The following PCED1B variants were observed in gnomAD, a reference collection of about 807,000 sequenced individuals.
PCED1B encodes the protein PC-esterase domain containing 1B.
For missense variants in PCED1B, 573 were observed against 573.9 expected (o/e 1.00, Z 0.02); for synonymous variants, 251 against 246.1 (o/e 1.02, Z -0.19).
intron 3 of PCED1B, among the ~76,000 whole-genome samples, chr12:47,220,088 AAAG>A (rs1555155818): frequency 5.3e-5 from 7 of 133,182 alleles, no homozygotes; most frequent in South Asian, 4.8e-4. Context: ...AAAAAAAAAA[AAAG>A]AAGAAGAAGA....
At chr12:47,229,716 A>G (rs543236512) in intron 3 of PCED1B, among the ~76,000 whole-genome samples, 1 of 152,274 alleles carries the variant, frequency 6.6e-6, no homozygotes, top group Non-Finnish European at 1.5e-5. Context: ...GTATGACATC[A>G]CCATCATTTC....
At chr12:47,220,063 T>G (rs1399823176) in intron 3 of PCED1B, among the ~76,000 whole-genome samples, 7 of 88,408 alleles carry the variant, frequency 7.9e-5, no homozygotes, top group Non-Finnish European at 1.4e-4. Context: ...AGGGAGACAC[T>G]GCCTCAAAAA....
intron 2 of PCED1B, among the ~76,000 whole-genome samples, chr12:47,173,762 A>G (rs968939541): frequency 1.3e-5 from 2 of 152,220 alleles, no homozygotes; most frequent in African/African-American, 4.8e-5. Flanking sequence ...TATCTTCATC[A>G]ATTGTTTAAG....
intron 2 of PCED1B, among the ~76,000 whole-genome samples, chr12:47,136,983 A>G (rs1940399777): frequency 6.6e-6 from 1 of 152,200 alleles, no homozygotes. Context: ...CTATAAAATG[A>G]AAATAATAAT....
rs117224606 is a variant in PCED1B at position 47,171,991 on chromosome 12, A to G, written c.-525-44231A>G. The stretch of plus-strand genomic sequence containing the variant: ...AGTTGATCTTTCTGTCTCTGTATTT[A>G]TAAGATTTGTCTTAATCCTTGGAGT... On this transcript the variant is annotated intron_variant, in intron 2 of 3. Coordinates refer to ENST00000546455, the MANE Select transcript of PCED1B (RefSeq NM_138371.3). 1.1e-3 allele frequency among the ~76,000 whole-genome samples: 172 copies of G among 151,682 alleles called. 1 individual carries two copies. The East Asian group carries it at 0.031, about 27-fold the overall frequency.
chr12:47,163,746 T>C lies in PCED1B; in HGVS notation c.-525-52476T>C, dbSNP rs59527158. On this transcript the variant is annotated intron_variant, in intron 2 of 3. Coordinates refer to ENST00000546455, the MANE Select transcript of PCED1B (RefSeq NM_138371.3). Reference sequence around the variant, plus strand: ...AGAATACCTATGGCTGGATAGTTTATAAAGAAAAGAGATTTATTTAGCTCA... The same window carrying C: ...AGAATACCTATGGCTGGATAGTTTACAAAGAAAAGAGATTTATTTAGCTCA... Among the ~76,000 whole-genome samples the C allele has an allele frequency of 3.3e-3, 507 of 152,280 alleles. 8 individuals carry two copies. In the South Asian group the frequency reaches 0.04, roughly 12 times the overall value.
At chr12:47,093,325 A>C (rs1196843429) in intron 1 of PCED1B, among the ~76,000 whole-genome samples, 1 of 150,258 alleles carries the variant, frequency 6.7e-6, no homozygotes. Context: ...ATCTATAGTG[A>C]TATCTCCTTT....
intron 3 of PCED1B, chr12:47,223,705 C>G (rs929244768): frequency 6.6e-6 from 1 of 152,234 alleles, no homozygotes. Context: ...GGGTGGGAAG[C>G]GGGGTGAGGA....
rs146220014 is a variant in PCED1B at position 47,169,815 on chromosome 12, G to A, written c.-525-46407G>A. Among the ~76,000 whole-genome samples the A allele has an allele frequency of 6.1e-5, 9 of 148,280 alleles. No individual in the cohort carries two copies. In the South Asian group the frequency reaches 1.5e-3, roughly 24 times the overall value. On this transcript the variant is annotated intron_variant, in intron 2 of 3. Transcript: ENST00000546455. ...GGCTGCAGTGAACTATTATCATGCC[G>A]CTGTATTTCAGCTTGGGCAACAAAG...
chr12:47,103,247 A>G (rs896424095), intron 1 of PCED1B, among the ~76,000 whole-genome samples: 3 of 152,230 alleles, frequency 2.0e-5, no homozygotes, highest in African/African-American at 7.2e-5. Context: ...TAGGTCACGC[A>G]ATATCTGTGT....
At chr12:47,140,088 C>A (rs1940537073) in intron 2 of PCED1B, among the ~76,000 whole-genome samples, 1 of 152,066 alleles carries the variant, frequency 6.6e-6, no homozygotes, top group Non-Finnish European at 1.5e-5. Context: ...TTTGGTGCTT[C>A]CTTCTGAACA....
In PCED1B at chr12:47,236,148, C is replaced by A. The variant is rs573318402; in HGVS notation, c.1085C>A (p.Ser362Ter). The A allele has an allele frequency of 5.0e-6, 8 of 1,614,186 alleles. No homozygotes were observed. The South Asian group carries it at 8.8e-5, about 18-fold the overall frequency. Residue 362 changes from serine to a stop codon, truncating the protein, a stop_gained, in exon 4 of 4, where the codon TCA becomes TAA. Transcript: ENST00000546455. LOFTEE classifies it low-confidence loss of function (END_TRUNC). Reference sequence around the variant, plus strand: ...TATTGCCATTCAGATGTCCCCTCATCAGCCCATGCAGGTTTCTTCGTCGAA... The same window carrying A: ...TATTGCCATTCAGATGTCCCCTCATAAGCCCATGCAGGTTTCTTCGTCGAA... ...QFYCHSDVPS[S>*]AHAGFFVEDN...
At chr12:47,114,007 T>C (rs1939316002) in intron 2 of PCED1B, among the ~76,000 whole-genome samples, 1 of 151,748 alleles carries the variant, frequency 6.6e-6, no homozygotes, top group African/African-American at 2.4e-5. Flanking sequence ...AGGTACACAA[T>C]GGGGAAACCC....
At chr12:47,188,929 A>G (rs1942359663) in intron 2 of PCED1B, among the ~76,000 whole-genome samples, 1 of 152,010 alleles carries the variant, frequency 6.6e-6, no homozygotes, top group South Asian at 2.1e-4. Flanking sequence ...ATGCCCCCAC[A>G]TGGCATTTTG....
intron 2 of PCED1B, among the ~76,000 whole-genome samples, chr12:47,211,846 C>A (rs1160173574): frequency 6.6e-6 from 1 of 151,100 alleles, no homozygotes. Context: ...GAGGCCGAGG[C>A]GGGCGGATCA....
Position 47,236,119 on chromosome 12 carries a change from A to G in PCED1B, c.1056A>G (p.Gln352=), listed in dbSNP as rs1443716972. Residue 352 remains glutamine (Q), a synonymous_variant, in exon 4 of 4, where the codon CAA becomes CAG. Transcript: ENST00000546455. The part of the protein sequence containing the change: ...FSSDHTFQSD[Q]FYCHSDVPSS... ...CAGACCATACTTTCCAGTCGGATCAATTCTATTGCCATTCAGATGTCCCCT... is the reference window on the plus strand; with the variant it reads ...CAGACCATACTTTCCAGTCGGATCAGTTCTATTGCCATTCAGATGTCCCCT... 1.2e-6 allele frequency: 2 copies of G among 1,613,884 alleles called. No individual in the cohort carries two copies. Among genetic ancestry groups the G allele is most frequent in the African/African-American group, 1.3e-5 (1 of 74,856 alleles).
rs142092845 is a variant in PCED1B, at chr12:47,101,744, C to G, written c.-608-2369C>G. Among the ~76,000 whole-genome samples the G allele has an allele frequency of 8.5e-5, 13 of 152,110 alleles. No homozygotes were observed. The East Asian group carries it at 1.9e-3, about 23-fold the overall frequency. ...GCCGGATCAGTTGAGATTGGGAGCT[C>G]GAGGCCAGCCTGATTAACAGGGAGA... On this transcript the variant is annotated intron_variant, in intron 1 of 3. Coordinates refer to ENST00000546455, the MANE Select transcript of PCED1B (RefSeq NM_138371.3).
At chr12:47,234,380 TAA>T (rs1943905912) in intron 3 of PCED1B, among the ~76,000 whole-genome samples, 1 of 152,230 alleles carries the variant, frequency 6.6e-6, no homozygotes, top group African/African-American at 2.4e-5. Context: ...ACAAGCGATA[TAA>T]GACTGTAAAG....
At chr12:47,149,287 C>G (rs546141177) in intron 2 of PCED1B, among the ~76,000 whole-genome samples, 27 of 152,306 alleles carry the variant, frequency 1.8e-4, no homozygotes, top group Non-Finnish European at 2.9e-4. Context: ...GAGTTATCCC[C>G]GCTTCATTGT....
Sources: allele counts gnomAD v4.1 joint callset (sites outside exome capture counted in the v4.1 genomes callset), GRCh38; gene constraint gnomAD v4.1.1; transcripts MANE v1.5; gene names NCBI Gene and HGNC (gene_info 2026-07-23, HGNC 2026-07-21).